Variants in DLC1 observed in about 807,000 individuals in gnomAD.
DLC1 encodes the protein DLC1 Rho GTPase activating protein, also known as rho GTPase-activating protein 7.
A neutral mutation model predicts 140.3 loss-of-function variants in DLC1; 54 were observed. That is an observed-to-expected ratio of 0.38 (90% CI 0.31 to 0.48). DLC1 has a LOEUF of 0.48. Among genes scored for constraint, DLC1 ranks in the 20% least tolerant of loss-of-function variants. The pLI, the probability that DLC1 is intolerant of heterozygous loss-of-function variation, is 0.96. For missense variants in DLC1, 2,536 were observed against 1,907.0 expected (o/e 1.33, Z -6.14); for synonymous variants, 986 against 728.1 (o/e 1.35, Z -5.70).
At chr8:13,165,129 G>A (rs555246132) in intron 5 of DLC1, among the ~76,000 whole-genome samples, 1 of 152,248 alleles carries the variant, frequency 6.6e-6, no homozygotes, top group African/African-American at 2.4e-5. Flanking sequence ...CAGATAAATA[G>A]CAAGTATACC....
intron 5 of DLC1, among the ~76,000 whole-genome samples, chr8:13,270,899 G>A (rs1333281362): frequency 6.6e-6 from 1 of 152,120 alleles, no homozygotes; most frequent in African/African-American, 2.4e-5. Flanking sequence ...ACTTTGCAGA[G>A]TAGCTCATTT....
In DLC1 at chr8:13,092,689, G is replaced by T; in HGVS notation, c.3663C>A (p.Thr1221=). ...VTAAVKENQM[T]PTNLAVCLAP... ...CTAAGCACACGGCCAGGTTGGTTGG[G>T]GTCATCTGGTTTTCTTTTACGGCTG... Residue 1221 remains threonine, a synonymous_variant, in exon 13 of 18, where the codon ACC becomes ACA. Coordinates refer to ENST00000276297, the MANE Select transcript of DLC1 (RefSeq NM_182643.3). 2 of 1,614,154 alleles carry T rather than the reference G, an allele frequency of 1.2e-6. No individual in the cohort carries two copies. The highest frequency in any genetic ancestry group is 3.3e-5 in the Admixed American group (2 of 60,016).
chr8:13,600,420 G>A (rs779314787), intron 1 of DLC1, among the ~76,000 whole-genome samples: 10 of 151,748 alleles, frequency 6.6e-5, no homozygotes, highest in Admixed American at 1.3e-4. Flanking sequence ...ATGGTTATTC[G>A]TGTTATTTGG....
chr8:13,179,838 A>C (rs1825944106), intron 5 of DLC1, among the ~76,000 whole-genome samples: 2 of 152,208 alleles, frequency 1.3e-5, no homozygotes, highest in South Asian at 2.1e-4. Flanking sequence ...AAATGGAGAT[A>C]GTATTTGGGA....
At chr8:13,446,875 G>A (rs1276810539) in intron 2 of DLC1, among the ~76,000 whole-genome samples, 1 of 151,974 alleles carries the variant, frequency 6.6e-6, no homozygotes, top group East Asian at 1.9e-4. Flanking sequence ...CCGGGAGGCG[G>A]AAGTTGCAGT....
chr8:13,270,582 C>T (rs143744260), intron 5 of DLC1, among the ~76,000 whole-genome samples: 362 of 152,278 alleles, frequency 2.4e-3, no homozygotes, highest in African/African-American at 7.8e-3. Flanking sequence ...AGAACCGATT[C>T]CCTCATCAAT....
chr8:13,545,760 C>G (rs1479809775), intron 1 of DLC1, among the ~76,000 whole-genome samples: 1 of 152,028 alleles, frequency 6.6e-6, no homozygotes, highest in East Asian at 1.9e-4. Context: ...AAAAACAAGA[C>G]TTTCTATTTT....
chr8:13,276,441 C>G (rs1395934607), intron 5 of DLC1: 3 of 1,423,730 alleles, frequency 2.1e-6, no homozygotes, highest in South Asian at 2.9e-5. Context: ...GCGCCGCGAC[C>G]ATGCCTCGGT....
chr8:13,564,178 T>C (rs1271943863), intron 1 of DLC1, among the ~76,000 whole-genome samples: 1 of 152,046 alleles, frequency 6.6e-6, no homozygotes, highest in African/African-American at 2.4e-5. Context: ...AGAAAAAAGA[T>C]AATAACACCA....
At chr8:13,472,982 A>G (rs764965048) in intron 2 of DLC1, among the ~76,000 whole-genome samples, 1 of 152,228 alleles carries the variant, frequency 6.6e-6, no homozygotes, top group Non-Finnish European at 1.5e-5. Flanking sequence ...GGAAAAAAAG[A>G]AATATCTACC....
intron 2 of DLC1, among the ~76,000 whole-genome samples, chr8:13,496,792 T>C (rs1221324978): frequency 3.5e-4 from 2 of 5,686 alleles, no homozygotes; most frequent in African/African-American, 4.8e-4. Flanking sequence ...TTTCCTTTTT[T>C]TTTTTTTTTT....
At chr8:13,458,461 C>G (rs1799513372) in intron 2 of DLC1, among the ~76,000 whole-genome samples, 1 of 152,128 alleles carries the variant, frequency 6.6e-6, no homozygotes, top group Admixed American at 6.5e-5. Flanking sequence ...ATACAGTCAG[C>G]AAAATGTTCT....
chr8:13,153,352 G>A (rs962508937), intron 5 of DLC1, among the ~76,000 whole-genome samples: 13 of 152,186 alleles, frequency 8.5e-5, no homozygotes, highest in African/African-American at 2.2e-4. Flanking sequence ...GTGAGTTTGC[G>A]ATCTCACTGG....
chr8:13,278,903 A>G (rs1831267200), intron 5 of DLC1, among the ~76,000 whole-genome samples: 1 of 152,222 alleles, frequency 6.6e-6, no homozygotes, highest in Non-Finnish European at 1.5e-5. Context: ...AGAGATGAGG[A>G]AACTTGAAGC....
intron 1 of DLC1, among the ~76,000 whole-genome samples, chr8:13,530,503 G>T (rs1585246221): frequency 6.6e-6 from 1 of 152,260 alleles, no homozygotes; most frequent in African/African-American, 2.4e-5. Flanking sequence ...TTTGCTGTGT[G>T]TGTGCATCTG....
chr8:13,265,632 G>C (rs1830653777), intron 5 of DLC1, among the ~76,000 whole-genome samples: 1 of 151,934 alleles, frequency 6.6e-6, no homozygotes. Flanking sequence ...TCATCTTCCT[G>C]CAAATGTCCT....
At chr8:13,379,967 G>A (rs1586239890) in intron 4 of DLC1, among the ~76,000 whole-genome samples, 1 of 152,122 alleles carries the variant, frequency 6.6e-6, no homozygotes, top group East Asian at 1.9e-4. Flanking sequence ...GACACAGGGA[G>A]GGGAAATCCA....
At chr8:13,145,890 CTT>C (rs1424236017) in intron 5 of DLC1, among the ~76,000 whole-genome samples, 1 of 152,120 alleles carries the variant, frequency 6.6e-6, no homozygotes, top group East Asian at 1.9e-4. Flanking sequence ...ATGGGGGTAA[CTT>C]TAACAGGAAA....
intron 4 of DLC1, among the ~76,000 whole-genome samples, chr8:13,385,480 T>C (rs930911945): frequency 6.6e-6 from 1 of 152,130 alleles, no homozygotes; most frequent in Admixed American, 6.5e-5. Context: ...GATTTAAAAA[T>C]AAATGAAGCG....
Sources: allele counts gnomAD v4.1 joint callset (sites outside exome capture counted in the v4.1 genomes callset), GRCh38; gene constraint gnomAD v4.1.1; transcripts MANE v1.5; gene names NCBI Gene and HGNC (gene_info 2026-07-23, HGNC 2026-07-21).